Variants in ACSL3 observed in about 807,000 individuals in gnomAD.
The protein encoded by ACSL3 is acyl-CoA synthetase long chain family member 3.
Under a neutral mutation model 84.7 loss-of-function variants are expected in ACSL3, and 34 were observed. The observed-to-expected ratio is 0.40, with a 90% CI of 0.31 to 0.53. The LOEUF is 0.53. Ranked by LOEUF, ACSL3 falls within the 20% of genes least tolerant of loss-of-function variation. The pLI is 0.48. For synonymous variants in ACSL3, 315 were observed against 299.4 expected (o/e 1.05, Z -0.54); for missense variants, 680 against 873.1 (o/e 0.78, Z 2.79).
intron 13 of ACSL3, among the ~76,000 whole-genome samples, chr2:222,929,979 G>A (rs1054079673): frequency 2.2e-5 from 3 of 138,482 alleles, no homozygotes; most frequent in Non-Finnish European, 4.6e-5. Context: ...CCAGGCTGGA[G>A]TGCAGTGTCA....
intron 1 of ACSL3, among the ~76,000 whole-genome samples, chr2:222,876,710 C>T (rs1695459101): frequency 6.6e-6 from 1 of 151,832 alleles, no homozygotes; most frequent in East Asian, 1.9e-4. Flanking sequence ...TTTATTCATA[C>T]CCGCTATGTA....
At chr2:222,920,179 T>C (rs928352902) in intron 7 of ACSL3, among the ~76,000 whole-genome samples, 2 of 152,124 alleles carry the variant, frequency 1.3e-5, no homozygotes, top group Non-Finnish European at 1.5e-5. Context: ...TGCTGTGCAT[T>C]GAAGGAGTGA....
chr2:222,906,550 T>C (rs1696298654), intron 3 of ACSL3, among the ~76,000 whole-genome samples: 1 of 152,112 alleles, frequency 6.6e-6, no homozygotes, highest in African/African-American at 2.4e-5. Context: ...CTTTCCCTGG[T>C]TCTCTGTGAA....
chr2:222,918,861 A>G (rs1433304256), intron 6 of ACSL3, among the ~76,000 whole-genome samples: 1 of 151,960 alleles, frequency 6.6e-6, no homozygotes, highest in African/African-American at 2.4e-5. Flanking sequence ...CACACAGTGA[A>G]TCTAATGCTA....
chr2:222,920,857 T>C (rs1367265659), intron 7 of ACSL3: 1 of 406,078 alleles, frequency 2.5e-6, no homozygotes, highest in African/African-American at 2.1e-5. Context: ...TTAGATATGC[T>C]GAGCACATTC....
chr2:222,914,297 A>G (rs1446202588), intron 4 of ACSL3, among the ~76,000 whole-genome samples: 1 of 146,612 alleles, frequency 6.8e-6, no homozygotes, highest in African/African-American at 2.6e-5. Context: ...ACAGGGTCTC[A>G]CTCTTGCCCA....
intron 1 of ACSL3, among the ~76,000 whole-genome samples, chr2:222,877,194 G>A (rs1384985192): frequency 2.6e-5 from 4 of 152,170 alleles, no homozygotes; most frequent in Admixed American, 2.0e-4. Context: ...TTGGAGTTCT[G>A]GATGAGGTCA....
At chr2:222,877,504 T>G (rs1303381709) in intron 1 of ACSL3, among the ~76,000 whole-genome samples, 3 of 152,214 alleles carry the variant, frequency 2.0e-5, no homozygotes, top group Non-Finnish European at 4.4e-5. Context: ...AACATCTATA[T>G]TGGCATTTGT....
chr2:222,930,976 T>G (rs1039223412), intron 14 of ACSL3, among the ~76,000 whole-genome samples, 164 bp downstream of exon 14: 1 of 152,208 alleles, frequency 6.6e-6, no homozygotes, highest in African/African-American at 2.4e-5. Context: ...CTGTGGAATT[T>G]ATGAGGCCTG....
chr2:222,894,227 A>G (rs906369914), intron 2 of ACSL3, among the ~76,000 whole-genome samples: 2 of 152,224 alleles, frequency 1.3e-5, no homozygotes, highest in African/African-American at 4.8e-5. Context: ...CAAGATCTGA[A>G]TAACACAAAA....
intron 4 of ACSL3, among the ~76,000 whole-genome samples, chr2:222,914,466 T>C (rs1417239652): frequency 6.6e-6 from 1 of 152,174 alleles, no homozygotes; most frequent in Non-Finnish European, 1.5e-5. Context: ...CTTGCTGTGT[T>C]GCCCAGGCTG....
At chr2:222,887,224 A>G (rs1695745702) in intron 1 of ACSL3, among the ~76,000 whole-genome samples, 1 of 152,136 alleles carries the variant, frequency 6.6e-6, no homozygotes. Flanking sequence ...ATATGCATTT[A>G]AGTTTCCTTC....
At chr2:222,910,484 C>G (rs1329221718) in intron 4 of ACSL3, among the ~76,000 whole-genome samples, 2 of 152,142 alleles carry the variant, frequency 1.3e-5, no homozygotes, top group Non-Finnish European at 2.9e-5. Context: ...ATAACTGCAA[C>G]TATGGAATGA....
intron 1 of ACSL3, among the ~76,000 whole-genome samples, chr2:222,885,524 G>T (rs1359356105): frequency 6.6e-6 from 1 of 152,094 alleles, no homozygotes; most frequent in Non-Finnish European, 1.5e-5. Flanking sequence ...GCTTTCTCCT[G>T]TTGCTCTTTT....
At chr2:222,921,534 G>A (rs1352706647) in intron 8 of ACSL3, 104 bp downstream of exon 8, 17 of 1,180,046 alleles carry the variant, frequency 1.4e-5, no homozygotes, top group Non-Finnish European at 1.9e-5. Flanking sequence ...GTCCCTCAGA[G>A]TCTGTTTGTA....
At chr2:222,923,027 A>C in intron 9 of ACSL3, 51 bp from the exon 10 acceptor site, 2 of 1,479,764 alleles carry the variant, frequency 1.4e-6, no homozygotes, top group Non-Finnish European at 1.9e-6. Flanking sequence ...ATACCATTGA[A>C]TTTTAAAAAT....
At chr2:222,933,644 G>T in intron 15 of ACSL3, 3 of 162,538 alleles carry the variant, frequency 1.8e-5, no homozygotes, top group Admixed American at 6.3e-5. Flanking sequence ...AGTGAGGAGT[G>T]TGCTGCTTAC....
intron 3 of ACSL3, among the ~76,000 whole-genome samples, 184 bp downstream of exon 3, chr2:222,900,964 T>C (rs1402149781): frequency 6.6e-6 from 1 of 152,204 alleles, no homozygotes; most frequent in African/African-American, 2.4e-5. Context: ...GCTCTTCTGG[T>C]TTATTTTTTG....
At position 222,922,811 on chromosome 2, in the gene ACSL3, C is replaced by T. The variant is rs377743525; in HGVS notation, c.1060C>T (p.Pro354Ser). The T allele has an allele frequency of 5.0e-6, 8 of 1,614,050 alleles. No homozygotes were observed. The highest frequency in any genetic ancestry group is 1.3e-5 in the African/African-American group (1 of 74,926). The stretch of plus-strand genomic sequence containing the variant: ...CGGATGCCGCATTGGTTACTCTTCA[C>T]CACAGACTTTAGCAGATCAGGTAAG... Reference protein sequence around the residue: ...SHGCRIGYSSPQTLADQSSKI... With the variant: ...SHGCRIGYSSSQTLADQSSKI... Residue 354 changes from proline (P) to serine (S), a missense_variant, in exon 9 of 17, where the codon CCA (proline) becomes TCA (serine). Pro to Ser is a moderately conservative substitution (Grantham distance 74). Around this residue, in one of 2 missense-constraint regions of ACSL3, gnomAD observed 347 missense variants for 525.7 expected, o/e 0.66. Transcript: ENST00000357430.
Sources: gnomAD v4.1 joint callset for allele counts (sites outside exome capture counted in the v4.1 genomes callset) on GRCh38, gnomAD v4.1.1 for gene constraint, gnomAD v4.1.1 regional missense constraint, MANE v1.5 for transcripts, NCBI Gene and HGNC (gene_info 2026-07-23, HGNC 2026-07-21) for gene names.